The following CNTN5 variants were observed in gnomAD, a reference collection of about 807,000 sequenced individuals.
CNTN5 encodes the protein contactin-5.
Under a neutral mutation model 129.1 loss-of-function variants are expected in CNTN5, and 77 were observed. The observed-to-expected ratio is 0.60, with a 90% CI of 0.50 to 0.72. CNTN5 has a LOEUF of 0.72. Ranked by LOEUF, CNTN5 falls within the 30% of genes least tolerant of loss-of-function variation. CNTN5 has a pLI of 0.00. For missense variants in CNTN5, 1,478 were observed against 1,328.8 expected (o/e 1.11, Z -1.75); for synonymous variants, 509 against 465.6 (o/e 1.09, Z -1.20).
intron 1 of CNTN5, among the ~76,000 whole-genome samples, chr11:99,139,246 T>C (rs1859397504): frequency 6.6e-6 from 1 of 152,094 alleles, no homozygotes; most frequent in Non-Finnish European, 1.5e-5. Flanking sequence ...CACTTCACCC[T>C]GCATGACAGA....
chr11:100,195,198 T>C (rs1948604365), intron 15 of CNTN5, among the ~76,000 whole-genome samples: 1 of 151,920 alleles, frequency 6.6e-6, no homozygotes, highest in Non-Finnish European at 1.5e-5. Flanking sequence ...ATGAGAAAAA[T>C]ATCTTCTTAG....
At chr11:99,254,757 A>C (rs1484161856) in intron 1 of CNTN5, among the ~76,000 whole-genome samples, 1 of 151,956 alleles carries the variant, frequency 6.6e-6, no homozygotes, top group Non-Finnish European at 1.5e-5. Context: ...CTATCATTTA[A>C]TTAACTTATT....
At chr11:99,968,672 T>TGC (rs1951164115) in intron 8 of CNTN5, among the ~76,000 whole-genome samples, 1 of 139,180 alleles carries the variant, frequency 7.2e-6, no homozygotes, top group African/African-American at 2.7e-5. Context: ...TTTTTTTTTT[T>TGC]TTTTTTTTTT....
intron 1 of CNTN5, among the ~76,000 whole-genome samples, chr11:99,238,256 G>A (rs1861377297): frequency 6.6e-6 from 1 of 152,058 alleles, no homozygotes; most frequent in Non-Finnish European, 1.5e-5. Flanking sequence ...AAGTCAATTT[G>A]GCTTAATGCC....
intron 1 of CNTN5, among the ~76,000 whole-genome samples, chr11:99,048,049 A>G (rs1031363307): frequency 1.1e-4 from 16 of 152,042 alleles, no homozygotes; most frequent in Non-Finnish European, 2.9e-5. Flanking sequence ...AAATAAAATG[A>G]GCTGATTCAC....
chr11:99,385,768 C>T (rs1290356471), intron 2 of CNTN5, among the ~76,000 whole-genome samples: 1 of 152,062 alleles, frequency 6.6e-6, no homozygotes, highest in East Asian at 1.9e-4. Context: ...TCAAGGATGT[C>T]GTCAGAGATC....
intron 9 of CNTN5, among the ~76,000 whole-genome samples, chr11:100,051,475 TA>T (rs145772900): frequency 3.2e-4 from 49 of 152,158 alleles, no homozygotes; most frequent in African/African-American, 1.2e-3. Context: ...ATGTGTGTGA[TA>T]TAGTTAAAGC....
intron 2 of CNTN5, among the ~76,000 whole-genome samples, chr11:99,413,949 C>T (rs894022323): frequency 6.6e-6 from 1 of 151,884 alleles, no homozygotes; most frequent in South Asian, 2.1e-4. Context: ...TTTCACAAAT[C>T]TACTTATGGC....
chr11:99,938,038 G>C (rs1260392285), intron 7 of CNTN5, among the ~76,000 whole-genome samples: 1 of 152,172 alleles, frequency 6.6e-6, no homozygotes, highest in Non-Finnish European at 1.5e-5. Flanking sequence ...CATGCGAATA[G>C]GCTCTAAAGC....
At chr11:99,359,815 A>G (rs1025577380) in intron 2 of CNTN5, among the ~76,000 whole-genome samples, 3 of 152,044 alleles carry the variant, frequency 2.0e-5, no homozygotes, top group African/African-American at 4.8e-5. Context: ...TACGACAAGC[A>G]TACAACAGAC....
chr11:100,193,334 C>T (rs1005177157), intron 14 of CNTN5, among the ~76,000 whole-genome samples, 154 bp from the exon 15 acceptor site: 5 of 151,886 alleles, frequency 3.3e-5, no homozygotes, highest in African/African-American at 1.2e-4. Context: ...GCCCTAGCAT[C>T]CAAAAGCTAA....
chr11:99,435,641 A>G (rs1300074339), intron 2 of CNTN5, among the ~76,000 whole-genome samples: 1 of 152,232 alleles, frequency 6.6e-6, no homozygotes, highest in Non-Finnish European at 1.5e-5. Context: ...AAAGAGGGAT[A>G]CACTAAGTCT....
chr11:99,148,331 A>G (rs1211747254), intron 1 of CNTN5, among the ~76,000 whole-genome samples: 1 of 152,042 alleles, frequency 6.6e-6, no homozygotes, highest in Admixed American at 6.6e-5. Context: ...GATATTGATA[A>G]AATAAAAACT....
At chr11:100,049,114 C>T (rs1381850577) in intron 9 of CNTN5, among the ~76,000 whole-genome samples, 1 of 151,682 alleles carries the variant, frequency 6.6e-6, no homozygotes, top group Admixed American at 6.6e-5. Flanking sequence ...TAAAACTCCA[C>T]AAAAAAAGAG....
At chr11:99,375,637 TAA>T (rs1243307748) in intron 2 of CNTN5, among the ~76,000 whole-genome samples, 2 of 152,148 alleles carry the variant, frequency 1.3e-5, no homozygotes, top group Non-Finnish European at 2.9e-5. Flanking sequence ...TACAAAAATA[TAA>T]GAGTGACTTC....
intron 1 of CNTN5, among the ~76,000 whole-genome samples, chr11:99,302,422 G>T (rs1273855149): frequency 6.6e-6 from 1 of 151,512 alleles, no homozygotes; most frequent in Non-Finnish European, 1.5e-5. Flanking sequence ...AAAAAGATAA[G>T]AAAATACTAT....
At chr11:99,986,102 T>C (rs1352565957) in intron 8 of CNTN5, among the ~76,000 whole-genome samples, 2 of 152,294 alleles carry the variant, frequency 1.3e-5, no homozygotes, top group East Asian at 3.9e-4. Context: ...CTCTCATTCC[T>C]TTTATCAGTT....
chr11:99,875,943 A>G (rs1383577385), intron 6 of CNTN5, among the ~76,000 whole-genome samples: 2 of 152,152 alleles, frequency 1.3e-5, no homozygotes, highest in Admixed American at 6.5e-5. Context: ...ACAGATTTTT[A>G]TATGCTTTAA....
intron 2 of CNTN5, among the ~76,000 whole-genome samples, chr11:99,503,640 A>G (rs1691940266): frequency 6.6e-6 from 1 of 152,130 alleles, no homozygotes; most frequent in African/African-American, 2.4e-5. Context: ...AAGGACAAAA[A>G]CCTGGGTCTT....
Sources: gnomAD v4.1 joint callset for allele counts (sites outside exome capture counted in the v4.1 genomes callset) on GRCh38, gnomAD v4.1.1 for gene constraint, MANE v1.5 for transcripts, NCBI Gene and HGNC (gene_info 2026-07-23, HGNC 2026-07-21) for gene names.